Variants in EDEM1 observed in about 807,000 individuals in gnomAD.
The protein encoded by EDEM1 is ER degradation-enhancing alpha-mannosidase-like protein 1.
In EDEM1, 67 loss-of-function variants were observed where a neutral mutation model predicts 74.4. The observed-to-expected ratio is 0.90, with a 90% CI of 0.74 to 1.10. The LOEUF is 1.10. Ranked by LOEUF, EDEM1 falls within the 50% of genes least tolerant of loss-of-function variation. EDEM1 has a pLI of 0.00. For missense variants in EDEM1, 926 were observed against 851.6 expected, an observed-to-expected ratio of 1.09 and a Z score of -1.09; for synonymous variants, 382 against 335.9, an observed-to-expected ratio of 1.14 and a Z score of -1.50.
At chr3:5,200,888 A>T (rs1051707349) in intron 3 of EDEM1, among the ~76,000 whole-genome samples, 3 of 150,304 alleles carry the variant, frequency 2.0e-5, no homozygotes, top group Non-Finnish European at 4.4e-5. Flanking sequence ...TTTAATTTGA[A>T]TTAAATTAAA....
chr3:5,193,366 CT>C (rs1310793148), intron 1 of EDEM1, among the ~76,000 whole-genome samples: 4 of 152,074 alleles, frequency 2.6e-5, no homozygotes, highest in African/African-American at 9.7e-5. Flanking sequence ...CTTTTTGTAC[CT>C]TTTTTGGCTG....
chr3:5,196,600 A>G (rs1312671088), intron 2 of EDEM1, among the ~76,000 whole-genome samples: 1 of 152,192 alleles, frequency 6.6e-6, no homozygotes, highest in Non-Finnish European at 1.5e-5. Flanking sequence ...CTCATTTTAT[A>G]AATAAGTAGT....
In EDEM1 at chr3:5,213,173, T is replaced by C; in HGVS notation, c.1681-146T>C. The C allele has an allele frequency of 5.1e-6, 4 of 783,224 alleles. 1 individual carries two copies. The South Asian group carries it at 7.6e-5, about 15-fold the overall frequency. 48.5% of individuals were successfully genotyped at this position (783,224 alleles called of 1,614,324 possible). A position where few individuals can be genotyped will look rare whatever the true frequency, so the allele number is the denominator to read the frequency against. ...CAGCCTGGGTTGGGCACCACAGTTGTCAGTCAATTCCTTTTCACCCAGTTG... is the reference window on the plus strand; with the variant it reads ...CAGCCTGGGTTGGGCACCACAGTTGCCAGTCAATTCCTTTTCACCCAGTTG... On this transcript the variant is annotated intron_variant, in intron 10 of 11. Coordinates refer to ENST00000256497, the MANE Select transcript of EDEM1 (RefSeq NM_014674.3).
In EDEM1 at chr3:5,217,262, C is replaced by G. The variant is rs1451732820; in HGVS notation, c.*1344C>G. 2 of 152,656 alleles carry G rather than the reference C, an allele frequency of 1.3e-5. No individual in the cohort carries two copies. Among genetic ancestry groups the G allele is most frequent in the Non-Finnish European group, 2.9e-5 (2 of 68,046 alleles). The allele number at this position is 152,656 out of a possible 1,614,324, so 9.5% of individuals were successfully genotyped here. The stretch of plus-strand genomic sequence containing the variant: ...CAGAACATCTCTCTTTGAACTCACA[C>G]TGATACACACCTGCTACTCTTACAC... On this transcript the variant is annotated 3_prime_UTR_variant, in exon 12 of 12. Transcript: ENST00000256497.
chr3:5,194,851 G>T (rs1355705273), intron 1 of EDEM1, among the ~76,000 whole-genome samples: 1 of 152,158 alleles, frequency 6.6e-6, no homozygotes, highest in Admixed American at 6.5e-5. Flanking sequence ...CTCTTCTTTA[G>T]TTCCTAATGA....
chr3:5,210,714 GT>G (rs554887656), intron 9 of EDEM1, among the ~76,000 whole-genome samples: 6,349 of 146,862 alleles, frequency 0.043, 364 homozygotes, highest in African/African-American at 0.14. Flanking sequence ...CCTGCTGTAA[GT>G]TTTTTTTTTT....
At chr3:5,189,271 G>C (rs1156630878) in intron 1 of EDEM1, 1 of 152,218 alleles carries the variant, frequency 6.6e-6, no homozygotes, top group Non-Finnish European at 1.5e-5. Context: ...ACCGTCTGGG[G>C]CAAGCATTTT....
In EDEM1 at chr3:5,188,177, G is replaced by A. The variant is rs2054851348; in HGVS notation, c.372G>A (p.Pro124=). 1.3e-6 allele frequency: 2 copies of A among 1,562,560 alleles called. No homozygotes were observed. The highest frequency in any genetic ancestry group is 1.7e-6 in the Non-Finnish European group (2 of 1,156,072). Residue 124 remains proline, a synonymous_variant, in exon 1 of 12, where the codon CCG becomes CCA. Transcript: ENST00000256497. ...YEKRYSGAFP[P]QLRAQMRDLA... ...AGCGCTACAGCGGCGCCTTCCCTCC[G>A]CAGCTGCGTGCCCAGATGCGCGACC...
intron 11 of EDEM1, among the ~76,000 whole-genome samples, chr3:5,215,316 G>A (rs374271429): frequency 0.065 from 9,919 of 151,580 alleles, 350 homozygotes; most frequent in African/African-American, 0.092. Flanking sequence ...TTTAATTAAA[G>A]AAATAGTCTT....
Position 5,215,873 on chromosome 3 carries a change from G to C in EDEM1, c.1929G>C (p.Lys643Asn). ...PDERRYSLPL[K>N]SIYMRQIDQM... ...AGAGGAGGTACTCCCTGCCCTTAAAGAGCATCTACATGCGACAGATTGACC... is the reference window on the plus strand; with the variant it reads ...AGAGGAGGTACTCCCTGCCCTTAAACAGCATCTACATGCGACAGATTGACC... The change falls in exon 12 of 12, where the codon AAG becomes AAC. Residue 643 changes from lysine to asparagine, a missense_variant. Transcript: ENST00000256497. 6.2e-7 allele frequency: 1 copy of C among 1,613,094 alleles called. No homozygotes were observed.
intron 8 of EDEM1, among the ~76,000 whole-genome samples, chr3:5,208,833 G>A (rs1253281966): frequency 6.6e-6 from 1 of 151,524 alleles, no homozygotes; most frequent in Non-Finnish European, 1.5e-5. Flanking sequence ...TACTTCAGTG[G>A]TAGAGGGAAT....
At position 5,218,358 on chromosome 3, in the gene EDEM1, T is replaced by G. The variant is rs1292655398; in HGVS notation, c.*2440T>G. The G allele has an allele frequency of 2.0e-5, 3 of 152,076 alleles. No individual in the cohort carries two copies. Among genetic ancestry groups the G allele is most frequent in the South Asian group, 2.1e-4 (1 of 4,794 alleles). The allele number at this position is 152,076 out of a possible 1,614,324, so 9.4% of individuals were successfully genotyped here. Reference sequence around the variant, plus strand: ...GCCAGTTTCAAAGGTTACTTGTTTTTTTTTTTTTTTTTTAAAGTCAGAATG... The same window carrying G: ...GCCAGTTTCAAAGGTTACTTGTTTTGTTTTTTTTTTTTTAAAGTCAGAATG... On this transcript the variant is annotated 3_prime_UTR_variant, in exon 12 of 12. Coordinates refer to ENST00000256497, the MANE Select transcript of EDEM1 (RefSeq NM_014674.3).
chr3:5,188,472 A>G, intron 1 of EDEM1, 158 bp downstream of exon 1: 1 of 812,074 alleles, frequency 1.2e-6, no homozygotes, highest in Non-Finnish European at 1.7e-6. Flanking sequence ...AGTCCCTGTG[A>G]AGACCCCCGA....
chr3:5,194,347 C>T (rs1445002737), intron 1 of EDEM1, among the ~76,000 whole-genome samples: 2 of 152,036 alleles, frequency 1.3e-5, no homozygotes, highest in Non-Finnish European at 2.9e-5. Context: ...AAATGAAGTC[C>T]CCAGAATTTC....
chr3:5,216,645 C>G lies in EDEM1; in HGVS notation c.*727C>G, dbSNP rs1336765784. On this transcript the variant is annotated 3_prime_UTR_variant, in exon 12 of 12. Transcript: ENST00000256497. ...GCCTCAAGTAATCTTTACAGTGTTA[C>G]AAATTATTTGCTTAAGAAGAATGGT... The G allele has an allele frequency of 3.9e-5, 6 of 152,616 alleles. No individual in the cohort carries two copies. The highest frequency in any genetic ancestry group is 3.9e-4 in the Admixed American group (6 of 15,284). The allele number at this position is 152,616 out of a possible 1,614,324, so 9.5% of individuals were successfully genotyped here. A position where few individuals can be genotyped will look rare whatever the true frequency, so the allele number is the denominator to read the frequency against.
At chr3:5,212,557 T>A (rs1413453473) in intron 10 of EDEM1, among the ~76,000 whole-genome samples, 1 of 152,252 alleles carries the variant, frequency 6.6e-6, no homozygotes. Context: ...TACCCTGTTC[T>A]TCTCTTGTTA....
rs181592396 is a variant in EDEM1, at chr3:5,216,328, G to A, written c.*410G>A. The A allele has an allele frequency of 6.5e-6, 1 of 153,878 alleles. No homozygotes were observed. Among genetic ancestry groups the A allele is most frequent in the East Asian group, 1.9e-4 (1 of 5,278 alleles). The allele number at this position is 153,878 out of a possible 1,614,324, so 9.5% of individuals were successfully genotyped here. On this transcript the variant is annotated 3_prime_UTR_variant, in exon 12 of 12. Transcript: ENST00000256497. The stretch of plus-strand genomic sequence containing the variant: ...TATTATATTTTATTTTTTTGAGACA[G>A]GGTCTTGATATTTTTTTGGGACAGG...
chr3:5,189,547 A>AT (rs1381817994), intron 1 of EDEM1: 1 of 152,138 alleles, frequency 6.6e-6, no homozygotes, highest in African/African-American at 2.4e-5. Context: ...TTCTATCTCA[A>AT]TTTTTTTGAG....
At chr3:5,205,341 A>T in intron 6 of EDEM1, 100 bp downstream of exon 6, 1 of 1,232,342 alleles carries the variant, frequency 8.1e-7, no homozygotes. Context: ...GGGTCTGTTT[A>T]TCTCTGCCCT....
Sources: gnomAD v4.1 joint callset for allele counts (sites outside exome capture counted in the v4.1 genomes callset) on GRCh38, gnomAD v4.1.1 for gene constraint, MANE v1.5 for transcripts, NCBI Gene and HGNC (gene_info 2026-07-23, HGNC 2026-07-21) for gene names.